Variants in TENM3 observed in about 807,000 individuals in gnomAD.
TENM3 encodes teneurin-3.
In TENM3, 63 loss-of-function variants were observed where a neutral mutation model predicts 255.1. The observed-to-expected ratio is 0.25, with a 90% CI of 0.20 to 0.30. The LOEUF is 0.30. TENM3 is among the 10% of genes least tolerant of loss of function. The pLI is 1.00. For synonymous variants in TENM3, 1,306 were observed against 1,322.3 expected (o/e 0.99, Z 0.27); for missense variants, 2,929 against 3,461.1 (o/e 0.85, Z 3.86).
the TENM3 span, among the ~76,000 whole-genome samples, chr4:182,020,693 AAAAAG>A: frequency 6.6e-6 from 1 of 152,174 alleles, no homozygotes; most frequent in Non-Finnish European, 1.5e-5. Flanking sequence ...TTTAAAAATA[AAAAAG>A]AAAAGTCATC....
chr4:182,783,453 G>A (rs2152814378), intron 24 of TENM3, among the ~76,000 whole-genome samples: 1 of 152,262 alleles, frequency 6.6e-6, no homozygotes, highest in African/African-American at 2.4e-5. Flanking sequence ...TTCCCTTTGA[G>A]GGTAACTCGA....
chr4:182,187,741 A>G lies in TENM3; in HGVS notation c.-76+42987A>G, dbSNP rs574316943. Among the ~76,000 whole-genome samples, 202 of 152,310 alleles carry G rather than the reference A, an allele frequency of 1.3e-3. No homozygotes were observed. In the South Asian group the frequency reaches 0.016, roughly 12 times the overall value. On this transcript the variant is annotated intron_variant, in intron 1 of 2. Transcript: ENST00000512480. ...GTTCTAACAGCTGTAATATGAGAGA[A>G]CATACTAACACATTTTTTAATATAA...
intron 22 of TENM3, among the ~76,000 whole-genome samples, chr4:182,762,792 GAGAT>G (rs3073246): frequency 0.18 from 27,874 of 152,016 alleles, 3,288 homozygotes; most frequent in East Asian, 0.57. Context: ...GTCTATGAAG[GAGAT>G]AGATAGGATG....
At chr4:182,594,104 A>G (rs1465795209) in intron 3 of TENM3, among the ~76,000 whole-genome samples, 1 of 152,200 alleles carries the variant, frequency 6.6e-6, no homozygotes, top group Admixed American at 6.5e-5. Flanking sequence ...TATGAGATCA[A>G]ATTCCTTCCT....
At chr4:181,603,498 C>A in the TENM3 span, among the ~76,000 whole-genome samples, 2 of 152,138 alleles carry the variant, frequency 1.3e-5, no homozygotes, top group African/African-American at 4.8e-5. Context: ...CTTTCCAGGG[C>A]TTTCTAATCC....
At position 182,201,307 on chromosome 4, in the gene TENM3, A is replaced by G. The variant is rs17072849; in HGVS notation, c.-76+56553A>G. Among the ~76,000 whole-genome samples the G allele has an allele frequency of 7.2e-3, 1,091 of 152,266 alleles. 17 individuals are homozygous for G. Among genetic ancestry groups the G allele is most frequent in the East Asian group, 0.05 (259 of 5,178 alleles). On this transcript the variant is annotated intron_variant, in intron 1 of 2. Transcript: ENST00000512480. ...TTTTTTGTCGGGGACAGTCAAAATC[A>G]TCTCCAATTTCTAAGGAGAAACAAA...
At chr4:181,676,083 G>T in the TENM3 span, among the ~76,000 whole-genome samples, 6 of 151,802 alleles carry the variant, frequency 4.0e-5, no homozygotes, top group African/African-American at 1.5e-4. Context: ...GGGAAGGGGG[G>T]GTGCATTTTC....
the TENM3 span, among the ~76,000 whole-genome samples, chr4:181,750,240 T>A: frequency 1.6e-4 from 24 of 152,048 alleles, no homozygotes; most frequent in African/African-American, 5.8e-4. Context: ...TAGAAGAACC[T>A]CAAGAGAGGA....
chr4:181,675,590 G>A, the TENM3 span, among the ~76,000 whole-genome samples: 3 of 152,088 alleles, frequency 2.0e-5, no homozygotes, highest in African/African-American at 7.2e-5. Context: ...CAGGTACTAT[G>A]ATGGGCACTG....
chr4:182,189,688 T>C (rs752443041), intron 1 of TENM3, among the ~76,000 whole-genome samples: 1 of 152,116 alleles, frequency 6.6e-6, no homozygotes, highest in Non-Finnish European at 1.5e-5. Flanking sequence ...TGGACTGCAG[T>C]TTTTGAAGAA....
At chr4:181,906,040 T>C in the TENM3 span, 1 of 435,910 alleles carries the variant, frequency 2.3e-6, no homozygotes, top group Non-Finnish European at 4.5e-6. Context: ...CAAGTTCTGT[T>C]CTCTCTCAAC....
the TENM3 span, among the ~76,000 whole-genome samples, chr4:182,037,296 G>A: frequency 6.6e-6 from 1 of 152,004 alleles, no homozygotes; most frequent in African/African-American, 2.4e-5. Flanking sequence ...TTACAGGCAT[G>A]TGCCACCATG....
intron 3 of TENM3, among the ~76,000 whole-genome samples, chr4:182,594,454 G>A (rs528413947): frequency 6.6e-6 from 1 of 152,202 alleles, no homozygotes; most frequent in Non-Finnish European, 1.5e-5. Context: ...GAGCCCAGAA[G>A]TCTGAAGCTG....
the TENM3 span, among the ~76,000 whole-genome samples, chr4:181,728,732 ACCT>A: frequency 2.6e-5 from 4 of 151,872 alleles, no homozygotes; most frequent in Non-Finnish European, 5.9e-5. Flanking sequence ...TCTTGTGCCG[ACCT>A]CCTATCTCAC....
the TENM3 span, among the ~76,000 whole-genome samples, chr4:181,752,826 T>A: frequency 6.0e-5 from 9 of 151,052 alleles, no homozygotes; most frequent in East Asian, 1.8e-3. Context: ...TATCATGTGA[T>A]CAAGAAAAAA....
At chr4:181,520,591 A>G in the TENM3 span, among the ~76,000 whole-genome samples, 2 of 152,312 alleles carry the variant, frequency 1.3e-5, no homozygotes, top group East Asian at 3.9e-4. Flanking sequence ...AACCACGAAA[A>G]CCACTTAAAT....
the TENM3 span, among the ~76,000 whole-genome samples, chr4:182,011,805 C>T: frequency 6.6e-6 from 1 of 152,186 alleles, no homozygotes; most frequent in East Asian, 1.9e-4. Flanking sequence ...ATCATGACTG[C>T]TGCAAACAAT....
chr4:182,723,229 G>C (rs1429933668), intron 13 of TENM3, among the ~76,000 whole-genome samples: 2 of 152,180 alleles, frequency 1.3e-5, no homozygotes, highest in Non-Finnish European at 2.9e-5. Context: ...AACCAAGAAT[G>C]TGTGGAAACC....
chr4:181,529,903 A>G, the TENM3 span, among the ~76,000 whole-genome samples: 2 of 152,286 alleles, frequency 1.3e-5, no homozygotes, highest in East Asian at 3.9e-4. Flanking sequence ...TAAAATACAA[A>G]CTTCCTATGT....
Sources: allele counts gnomAD v4.1 joint callset (sites outside exome capture counted in the v4.1 genomes callset), GRCh38; gene constraint gnomAD v4.1.1; transcripts MANE v1.5; gene names NCBI Gene and HGNC (gene_info 2026-07-23, HGNC 2026-07-21).